SH3KBP1: variants seen among roughly 807,000 people sequenced by gnomAD.
SH3KBP1 encodes SH3 domain-containing kinase-binding protein 1.
A neutral mutation model predicts 50.1 loss-of-function variants in SH3KBP1; 8 were observed. The ratio of observed to expected loss-of-function variants is 0.16; its 90% confidence interval spans 0.09 to 0.29. The LOEUF (loss-of-function observed/expected upper bound fraction) is 0.29, where lower values mean the gene tolerates loss of function less well. Among genes scored for constraint, SH3KBP1 ranks in the 10% least tolerant of loss-of-function variants. The pLI, the probability that SH3KBP1 is intolerant of heterozygous loss-of-function variation, is 1.00. For synonymous variants in SH3KBP1, 227 were observed against 218.6 expected (o/e 1.04, Z -0.34); for missense variants, 377 against 535.2 (o/e 0.70, Z 2.92).
intron 1 of SH3KBP1, among the ~76,000 whole-genome samples, chrX:19,877,221 A>C (rs761705892): frequency 1.8e-5 from 2 of 112,199 alleles, no homozygotes; most frequent in East Asian, 5.6e-4. Flanking sequence ...CAAGTTGTGA[A>C]GAGATGTTTT....
chrX:19,846,380 G>A (rs2068370227), intron 1 of SH3KBP1, among the ~76,000 whole-genome samples: 1 of 112,679 alleles, frequency 8.9e-6, no homozygotes, highest in Non-Finnish European at 1.9e-5. Context: ...AGTCTGTTTA[G>A]TCAAAAAAGT....
intron 6 of SH3KBP1, among the ~76,000 whole-genome samples, chrX:19,661,627 GTTTTT>G (rs1469425458): frequency 1.3e-5 from 1 of 75,054 alleles, no homozygotes; most frequent in Admixed American, 1.5e-4. Context: ...AATAAAGGTT[GTTTTT>G]TTTTTTTTTT....
chrX:19,675,003 C>T (rs1016818891), intron 6 of SH3KBP1, among the ~76,000 whole-genome samples: 5 of 109,774 alleles, frequency 4.6e-5, no homozygotes, highest in East Asian at 5.7e-4. Context: ...TGCTTGAACC[C>T]GGGAGGCAGA....
chrX:19,869,987 C>A (rs2068996665), intron 1 of SH3KBP1, among the ~76,000 whole-genome samples: 1 of 112,009 alleles, frequency 8.9e-6, no homozygotes, highest in Non-Finnish European at 1.9e-5. Context: ...CAGCAAAAAA[C>A]TGGAAGCAAA....
chrX:19,727,543 A>G (rs764644858), intron 3 of SH3KBP1, among the ~76,000 whole-genome samples: 44 of 112,757 alleles, frequency 3.9e-4, no homozygotes, highest in Non-Finnish European at 6.7e-4. Context: ...TTCATCCTCA[A>G]TGAACACTTG....
chrX:19,791,721 C>T (rs2066536678), intron 2 of SH3KBP1, among the ~76,000 whole-genome samples: 1 of 111,212 alleles, frequency 9.0e-6, no homozygotes, highest in African/African-American at 3.3e-5. Context: ...TCTTAAAGGA[C>T]GGTTAAGCAA....
intron 2 of SH3KBP1, among the ~76,000 whole-genome samples, chrX:19,831,366 A>G (rs1240082919): frequency 9.4e-6 from 1 of 106,034 alleles, no homozygotes; most frequent in East Asian, 2.9e-4. Context: ...GTAAGCTGTG[A>G]ACATGCCACT....
chrX:19,674,054 T>G (rs1271431701), intron 6 of SH3KBP1, among the ~76,000 whole-genome samples: 2 of 112,482 alleles, frequency 1.8e-5, no homozygotes, highest in Non-Finnish European at 3.8e-5. Context: ...TCCTTTCTAT[T>G]CTCATTGATG....
intron 6 of SH3KBP1, among the ~76,000 whole-genome samples, chrX:19,681,795 G>A (rs1041316919): frequency 9.0e-5 from 10 of 111,281 alleles, no homozygotes; most frequent in Non-Finnish European, 1.5e-4. Flanking sequence ...AACGAGGGTC[G>A]GGTCTCACTT....
At chrX:19,618,359 G>A (rs1187217654) in intron 8 of SH3KBP1, among the ~76,000 whole-genome samples, 1 of 99,810 alleles carries the variant, frequency 1.0e-5, no homozygotes, top group Non-Finnish European at 2.0e-5. Context: ...ACTCCAGCCT[G>A]GGTGACAGAC....
chrX:19,541,654 C>T (rs551748876), intron 16 of SH3KBP1, among the ~76,000 whole-genome samples: 5 of 112,633 alleles, frequency 4.4e-5, no homozygotes, highest in South Asian at 7.3e-4. Context: ...CTGCTGAGAG[C>T]ATCAGTCCCT....
intron 1 of SH3KBP1, among the ~76,000 whole-genome samples, chrX:19,860,708 T>C (rs1344704336): frequency 9.0e-6 from 1 of 111,721 alleles, no homozygotes; most frequent in Non-Finnish European, 1.9e-5. Context: ...TTCAAAAGCA[T>C]CAAGGTCATG....
chrX:19,580,698 A>G (rs1350777775), intron 12 of SH3KBP1, among the ~76,000 whole-genome samples: 2 of 111,524 alleles, frequency 1.8e-5, no homozygotes, highest in African/African-American at 3.3e-5. Flanking sequence ...ATGCACGCCC[A>G]GGTGTGAGCA....
intron 1 of SH3KBP1, among the ~76,000 whole-genome samples, chrX:19,853,701 G>C (rs1569489005): frequency 9.0e-6 from 1 of 110,760 alleles, no homozygotes; most frequent in Non-Finnish European, 1.9e-5. Flanking sequence ...AGTGGCTCAC[G>C]CCTGTAATCC....
intron 2 of SH3KBP1, among the ~76,000 whole-genome samples, chrX:19,782,995 C>G (rs1326989601): frequency 8.9e-6 from 1 of 111,767 alleles, no homozygotes; most frequent in Non-Finnish European, 1.9e-5. Flanking sequence ...CGTGCACAGG[C>G]ACTGTGCAGC....
intron 6 of SH3KBP1, among the ~76,000 whole-genome samples, chrX:19,649,678 G>A (rs1332260873): frequency 8.9e-6 from 1 of 111,785 alleles, no homozygotes; most frequent in Non-Finnish European, 1.9e-5. Context: ...CAGGATTTTC[G>A]TGTACAGTGG....
In SH3KBP1 at chrX:19,535,097, C is replaced by T. The variant is rs2046727192; in HGVS notation, c.*1320G>A. On this transcript the variant is annotated 3_prime_UTR_variant, in exon 18 of 18. Transcript: ENST00000397821. Reference sequence around the variant, plus strand: ...CTCCACCCCTACCCCTGAACAGTCTCGCAATACAGTAGGCCCCTCATTTTC... The same window carrying T: ...CTCCACCCCTACCCCTGAACAGTCTTGCAATACAGTAGGCCCCTCATTTTC... The T allele has an allele frequency of 1.7e-5, 5 of 295,232 alleles. No homozygotes were observed. The highest frequency in any genetic ancestry group is 1.2e-4 in the Admixed American group (2 of 16,219). 24.3% of individuals were successfully genotyped at this position (295,232 alleles called of 1,213,427 possible).
chrX:19,808,749 G>A (rs1177921827), intron 2 of SH3KBP1, among the ~76,000 whole-genome samples: 1 of 111,991 alleles, frequency 8.9e-6, no homozygotes, highest in Non-Finnish European at 1.9e-5. Flanking sequence ...CTCAGGTCCT[G>A]TCCTGTGTCT....
intron 12 of SH3KBP1, among the ~76,000 whole-genome samples, chrX:19,583,678 CCTAG>C: frequency 9.2e-6 from 1 of 108,516 alleles, no homozygotes; most frequent in Non-Finnish European, 1.9e-5. Flanking sequence ...CTGTGGTTTT[CCTAG>C]ATATAATTCC....
Sources: allele counts gnomAD v4.1 joint callset (sites outside exome capture counted in the v4.1 genomes callset), GRCh38; gene constraint gnomAD v4.1.1; transcripts MANE v1.5; gene names NCBI Gene and HGNC (gene_info 2026-07-23, HGNC 2026-07-21).